Variants in GREB1L observed in about 807,000 individuals in gnomAD.
GREB1L encodes the protein GREB1 like retinoic acid receptor coactivator.
In GREB1L, 17 loss-of-function variants were observed where a neutral mutation model predicts 200.8. That is an observed-to-expected ratio of 0.08 (90% CI 0.06 to 0.13). GREB1L has a LOEUF of 0.13. GREB1L is among the 10% of genes least tolerant of loss of function. GREB1L has a pLI of 1.00. For missense variants in GREB1L, 1,657 were observed against 2,367.7 expected (o/e 0.70, Z 6.23); for synonymous variants, 789 against 893.0 (o/e 0.88, Z 2.08).
chr18:21,496,427 A>G (rs1568059091), intron 20 of GREB1L, 27 bp from the exon 21 acceptor site: 2 of 1,551,026 alleles, frequency 1.3e-6, no homozygotes, highest in South Asian at 1.2e-5. Context: ...AGATAGACTC[A>G]CCAACAACAC....
chr18:21,475,660 T>A (rs1364747204), intron 16 of GREB1L, among the ~76,000 whole-genome samples: 1 of 151,866 alleles, frequency 6.6e-6, no homozygotes, highest in East Asian at 2.0e-4. Context: ...CTGGCCTGGA[T>A]GAACTTATTA....
intron 2 of GREB1L, among the ~76,000 whole-genome samples, chr18:21,382,481 T>C (rs1412593127): frequency 6.6e-6 from 1 of 151,630 alleles, no homozygotes; most frequent in Non-Finnish European, 1.5e-5. Context: ...TTATTATTGT[T>C]ATACATGGAA....
chr18:21,445,569 T>G (rs1598852558), intron 11 of GREB1L, among the ~76,000 whole-genome samples: 1 of 152,290 alleles, frequency 6.6e-6, no homozygotes, highest in East Asian at 1.9e-4. Context: ...TTTTTTAATT[T>G]TAGAAAATAC....
intron 1 of GREB1L, among the ~76,000 whole-genome samples, chr18:21,328,726 T>C (rs2039062609): frequency 6.6e-6 from 1 of 151,848 alleles, no homozygotes; most frequent in Non-Finnish European, 1.5e-5. Context: ...CAAGATGAAC[T>C]CCCAGACATA....
At chr18:21,483,305 C>T (rs981842406) in intron 17 of GREB1L, among the ~76,000 whole-genome samples, 1 of 152,190 alleles carries the variant, frequency 6.6e-6, no homozygotes, top group Non-Finnish European at 1.5e-5. Flanking sequence ...AGACCAAGTA[C>T]ACACTTCATA....
At chr18:21,250,863 CT>C (rs2037691188) in intron 1 of GREB1L, among the ~76,000 whole-genome samples, 1 of 152,138 alleles carries the variant, frequency 6.6e-6, no homozygotes, top group South Asian at 2.1e-4. Context: ...TTCTTTTCCT[CT>C]TGTTTCCTTT....
chr18:21,384,906 T>C (rs573000025), intron 4 of GREB1L, among the ~76,000 whole-genome samples: 11 of 151,816 alleles, frequency 7.2e-5, no homozygotes, highest in East Asian at 5.8e-4. Context: ...ATATTATAAA[T>C]GTAAAAATTT....
intron 27 of GREB1L, among the ~76,000 whole-genome samples, chr18:21,511,715 T>C (rs1422346637): frequency 3.9e-5 from 6 of 152,214 alleles, no homozygotes; most frequent in Non-Finnish European, 8.8e-5. Context: ...GGTACGACCA[T>C]AGCTCACTGT....
chr18:21,406,730 G>GTACACACATTGTATGGTATTTGA (rs2030284633), intron 7 of GREB1L, among the ~76,000 whole-genome samples: 1 of 152,104 alleles, frequency 6.6e-6, no homozygotes, highest in African/African-American at 2.4e-5. Context: ...TCAAGTATGG[G>GTACACACATTGTATGGTATTTGA]TACACACATT....
intron 2 of GREB1L, among the ~76,000 whole-genome samples, chr18:21,371,639 T>A (rs2039877206): frequency 6.6e-6 from 1 of 151,696 alleles, no homozygotes; most frequent in Admixed American, 6.6e-5. Context: ...TACAACAAAT[T>A]AGCCGGGCGT....
At chr18:21,330,269 G>T (rs986020593) in intron 1 of GREB1L, among the ~76,000 whole-genome samples, 1 of 152,120 alleles carries the variant, frequency 6.6e-6, no homozygotes, top group African/African-American at 2.4e-5. Context: ...TTGGAAATTG[G>T]GAAGGATAAA....
At chr18:21,445,437 G>C (rs975612773) in intron 11 of GREB1L, among the ~76,000 whole-genome samples, 4 of 151,868 alleles carry the variant, frequency 2.6e-5, no homozygotes, top group Non-Finnish European at 5.9e-5. Context: ...TCACGTCATT[G>C]CACTCCAGCT....
chr18:21,251,294 C>T (rs1038848440), intron 1 of GREB1L, among the ~76,000 whole-genome samples: 1 of 152,114 alleles, frequency 6.6e-6, no homozygotes, highest in African/African-American at 2.4e-5. Context: ...TGATCATGTA[C>T]CCTTATATAT....
chr18:21,481,816 T>G (rs775163868), intron 17 of GREB1L, among the ~76,000 whole-genome samples: 2 of 152,156 alleles, frequency 1.3e-5, no homozygotes, highest in African/African-American at 4.8e-5. Context: ...GAATCGTAAA[T>G]CATTCTTTTT....
chr18:21,475,738 G>A (rs1235540561), intron 16 of GREB1L, among the ~76,000 whole-genome samples: 2 of 151,860 alleles, frequency 1.3e-5, no homozygotes, highest in South Asian at 4.2e-4. Flanking sequence ...AAGCCAAGGT[G>A]GGTGGATTAC....
chr18:21,403,197 G>A (rs1396151949), intron 6 of GREB1L, among the ~76,000 whole-genome samples: 1 of 152,066 alleles, frequency 6.6e-6, no homozygotes, highest in South Asian at 2.1e-4. Context: ...AGTCCCACAG[G>A]CTGTCATAGT....
intron 1 of GREB1L, among the ~76,000 whole-genome samples, chr18:21,249,693 A>T (rs1447994548): frequency 7.1e-6 from 1 of 140,134 alleles, no homozygotes; most frequent in African/African-American, 2.7e-5. Context: ...TGTCTCTACT[A>T]AAAAAAAAAA....
intron 7 of GREB1L, among the ~76,000 whole-genome samples, chr18:21,436,060 T>C (rs1436602966): frequency 6.6e-6 from 1 of 152,146 alleles, no homozygotes; most frequent in Admixed American, 6.6e-5. Flanking sequence ...GGGGTCTCAA[T>C]AGACATTCAT....
chr18:21,251,272 C>CA (rs1445513982), intron 1 of GREB1L, among the ~76,000 whole-genome samples: 2 of 152,156 alleles, frequency 1.3e-5, no homozygotes, highest in African/African-American at 2.4e-5. Flanking sequence ...TATGTTGTTA[C>CA]AACTTTTTCC....
Sources: gnomAD v4.1 joint callset for allele counts (sites outside exome capture counted in the v4.1 genomes callset) on GRCh38, gnomAD v4.1.1 for gene constraint, MANE v1.5 for transcripts, NCBI Gene and HGNC (gene_info 2026-07-23, HGNC 2026-07-21) for gene names.